Variants in ZNF217 observed in about 807,000 individuals in gnomAD.
The protein encoded by ZNF217 is zinc finger protein 217.
Under a neutral mutation model 73.3 loss-of-function variants are expected in ZNF217, and 12 were observed. The observed-to-expected ratio is 0.16, with a 90% CI of 0.10 to 0.27. The LOEUF is 0.27. ZNF217 is among the 10% of genes least tolerant of loss of function. The pLI is 1.00. For missense variants in ZNF217, 1,195 were observed against 1,327.8 expected (o/e 0.90, Z 1.55); for synonymous variants, 588 against 516.4 (o/e 1.14, Z -1.88).
chr20:53,576,693 C>T lies in ZNF217; in HGVS notation c.2071G>A (p.Val691Met), dbSNP rs751882949. Reference sequence around the variant, plus strand: ...GCCGGGCAATTGTGAAGAGCCCCCACGGATAAATTTAAAGGTTTTTCGTGA... The same window carrying T: ...GCCGGGCAATTGTGAAGAGCCCCCATGGATAAATTTAAAGGTTTTTCGTGA... Reference protein sequence around the residue: ...DCHEKPLNLSVGALHNCPAIS... With the variant: ...DCHEKPLNLSMGALHNCPAIS... Residue 691 changes from valine (V) to methionine (M), a missense_variant, in exon 4 of 6, where the codon GTG (valine) becomes ATG (methionine). Coordinates refer to ENST00000371471, the MANE Select transcript of ZNF217 (RefSeq NM_006526.3). 35 of 1,614,060 alleles carry T rather than the reference C, an allele frequency of 2.2e-5. No homozygotes were observed. Among genetic ancestry groups the T allele is most frequent in the African/African-American group, 2.7e-5 (2 of 74,920 alleles).
intron 1 of ZNF217, among the ~76,000 whole-genome samples, chr20:53,590,377 C>T (rs1438057773): frequency 6.6e-6 from 1 of 152,164 alleles, no homozygotes. Context: ...CTATAACATA[C>T]AGGCCATATG....
intron 1 of ZNF217, among the ~76,000 whole-genome samples, chr20:53,590,595 T>C (rs1600730885): frequency 6.6e-6 from 1 of 152,238 alleles, no homozygotes; most frequent in African/African-American, 2.4e-5. Context: ...TTGTGACAAC[T>C]GTGAGAAAAG....
intron 1 of ZNF217, among the ~76,000 whole-genome samples, chr20:53,593,353 G>GC (rs1988950135): frequency 6.6e-6 from 1 of 151,886 alleles, no homozygotes; most frequent in South Asian, 2.1e-4. Context: ...TTCCCCCTCC[G>GC]CCCGCGCCCC....
At chr20:53,577,434 C>T (rs1405985019) in intron 3 of ZNF217, among the ~76,000 whole-genome samples, 154 bp from the exon 4 acceptor site, 1 of 152,198 alleles carries the variant, frequency 6.6e-6, no homozygotes, top group Non-Finnish European at 1.5e-5. Flanking sequence ...ATCATCCTTA[C>T]TGTAATGAAT....
chr20:53,582,073 C>A lies in ZNF217; in HGVS notation c.754G>T (p.Asp252Tyr). ...GACGGCATTCCTCCTTGTGGAGAGTCTGTCTGCGCGCTGCTGGTACCGAAA... is the reference window on the plus strand; with the variant it reads ...GACGGCATTCCTCCTTGTGGAGAGTATGTCTGCGCGCTGCTGGTACCGAAA... ...TAFGTSSAQT[D>Y]SPQGGMPSSR... The change falls in exon 2 of 6, where the codon GAC (aspartate) becomes TAC (tyrosine). Residue 252 changes from aspartate to tyrosine, a missense_variant. Coordinates refer to ENST00000371471, the MANE Select transcript of ZNF217 (RefSeq NM_006526.3). The surrounding 1 kb of genome is among the most constrained non-coding windows in gnomAD (Gnocchi z 4.8). 1 of 1,614,238 alleles carries A rather than the reference C, an allele frequency of 6.2e-7. No individual in the cohort carries two copies. The highest frequency in any genetic ancestry group is 8.5e-7 in the Non-Finnish European group (1 of 1,180,044).
chr20:53,578,398 A>G lies in ZNF217; in HGVS notation c.1419T>C (p.Cys473=), dbSNP rs1257727433. Residue 473 remains cysteine (C), a synonymous_variant, in exon 3 of 6, where the codon TGT becomes TGC. Transcript: ENST00000371471. ...KIKHLTSSRE[C]SYCGKFFRSN... is the part of the protein sequence containing the mutation. ...AACGGAAAAACTTTCCACAATAACT[A>G]CACTCTCTTGAAGATGTAAGATGTT... The G allele has an allele frequency of 1.9e-6, 3 of 1,597,826 alleles. No homozygotes were observed. The highest frequency in any genetic ancestry group is 1.8e-5 in the Admixed American group (1 of 56,188).
At position 53,576,829 on chromosome 20, in the gene ZNF217, C is replaced by T. The variant is rs3748503; in HGVS notation, c.1935G>A (p.Ala645=). 33,869 of 1,614,118 alleles carry T rather than the reference C, an allele frequency of 0.021. 1,435 individuals are homozygous for T. Among genetic ancestry groups the T allele is most frequent in the East Asian group, 0.16 (7,024 of 44,872 alleles). ...QANNLICRTK[A]DVTPPPDGST... ...TGCCATCCGGAGGAGGAGTAACATC[C>T]GCCTTGGTTCTACAGATGAGGTTAT... Residue 645 remains alanine, a synonymous_variant, in exon 4 of 6, where the codon GCG becomes GCA. Transcript: ENST00000371471.
intron 1 of ZNF217, among the ~76,000 whole-genome samples, chr20:53,585,793 G>A (rs1444603760): frequency 6.6e-6 from 1 of 152,120 alleles, no homozygotes; most frequent in South Asian, 2.1e-4. Flanking sequence ...GCCTGGGAGG[G>A]TGAACAGCCT....
At position 53,576,008 on chromosome 20, in the gene ZNF217, C is replaced by T. The variant is rs1416707526; in HGVS notation, c.2756G>A (p.Arg919Lys). 1 of 1,614,098 alleles carries T rather than the reference C, an allele frequency of 6.2e-7. No homozygotes were observed. The highest frequency in any genetic ancestry group is 2.2e-5 in the East Asian group (1 of 44,898). Residue 919 changes from arginine (R) to lysine (K), a missense_variant, in exon 4 of 6, where the codon AGA (arginine) becomes AAA (lysine). Arg to Lys is a conservative substitution (Grantham distance 26, BLOSUM62 2). Around this residue, in one of 9 missense-constraint regions of ZNF217, gnomAD observed 649 missense variants for 642.8 expected, o/e 1.01. Transcript: ENST00000371471. Reference sequence around the variant, plus strand: ...AAGGGCAACCACGCTGGACTTCAGTCTTTTTGGAAGGGGCTCACCAAATTC... The same window carrying T: ...AAGGGCAACCACGCTGGACTTCAGTTTTTTTGGAAGGGGCTCACCAAATTC... ...AAEFGEPLPK[R>K]LKSSVVALDV...
Position 53,569,186 on chromosome 20 carries a change from G to A in ZNF217, c.*102C>T. On this transcript the variant is annotated 3_prime_UTR_variant, in exon 6 of 6. Coordinates refer to ENST00000371471, the MANE Select transcript of ZNF217 (RefSeq NM_006526.3). ...TACAGTACAATCACAGCTTATTTCA[G>A]TAGCTTTCACCATTCGCTTCTCAAA... 1 of 1,347,566 alleles carries A rather than the reference G, an allele frequency of 7.4e-7. No homozygotes were observed. The highest frequency in any genetic ancestry group is 9.9e-7 in the Non-Finnish European group (1 of 1,011,978). 83.5% of individuals were successfully genotyped at this position (1,347,566 alleles called of 1,614,324 possible). A position where few individuals can be genotyped will look rare whatever the true frequency, so the allele number is the denominator to read the frequency against.
Position 53,581,336 on chromosome 20 carries a change from C to G in ZNF217, c.1366+125G>C. On this transcript the variant is annotated intron_variant, in intron 2 of 5. Transcript: ENST00000371471. The surrounding 1 kb of genome is among the most constrained non-coding windows in gnomAD (Gnocchi z 4.9). ...AGAGTGATACCAAAAAGAGCCTGGA[C>G]TTGACTCTGGCTCTCCAAACCCCAT... 7.3e-7 allele frequency: 1 copy of G among 1,361,480 alleles called. No individual in the cohort carries two copies. The highest frequency in any genetic ancestry group is 9.8e-7 in the Non-Finnish European group (1 of 1,015,728). 84.3% of individuals were successfully genotyped at this position (1,361,480 alleles called of 1,614,324 possible).
At chr20:53,589,082 C>T (rs920516383) in intron 1 of ZNF217, among the ~76,000 whole-genome samples, 5 of 152,202 alleles carry the variant, frequency 3.3e-5, no homozygotes, top group Admixed American at 6.5e-5. Flanking sequence ...TTCCAGTCCA[C>T]TTAACTACAT....
intron 4 of ZNF217, 175 bp downstream of exon 4, chr20:53,575,552 C>G: frequency 1.7e-6 from 1 of 596,816 alleles, no homozygotes; most frequent in Non-Finnish European, 2.9e-6. Context: ...TTAAGTAAGC[C>G]TTGGAGGACC....
rs929918143 is a variant in ZNF217, at chr20:53,578,365, A to G, written c.1452T>C (p.Tyr484=). The change falls in exon 3 of 6, where the codon TAT becomes TAC. Residue 484 remains tyrosine, a synonymous_variant. Coordinates refer to ENST00000371471, the MANE Select transcript of ZNF217 (RefSeq NM_006526.3). ...SYCGKFFRSN[Y]YLNIHLRTHT... is the part of the protein sequence containing the mutation. ...GCGTTCTGAGATGAATATTGAGGTAATAATTTGAACGGAAAAACTTTCCAC... is the reference window on the plus strand; with the variant it reads ...GCGTTCTGAGATGAATATTGAGGTAGTAATTTGAACGGAAAAACTTTCCAC... 6.3e-7 allele frequency: 1 copy of G among 1,598,214 alleles called. No homozygotes were observed.
intron 4 of ZNF217, chr20:53,574,633 A>G (rs1199290815): frequency 6.6e-6 from 1 of 152,092 alleles, no homozygotes; most frequent in South Asian, 2.1e-4. Context: ...TGTCTCTACT[A>G]AAAATACAAG....
At chr20:53,589,937 A>C (rs1357258200) in intron 1 of ZNF217, among the ~76,000 whole-genome samples, 1 of 136,906 alleles carries the variant, frequency 7.3e-6, no homozygotes, top group Non-Finnish European at 1.6e-5. Flanking sequence ...TGTGCGGATC[A>C]AGACCCCCCC....
intron 1 of ZNF217, among the ~76,000 whole-genome samples, chr20:53,587,807 G>C (rs576009147): frequency 2.0e-5 from 3 of 146,820 alleles, no homozygotes; most frequent in Admixed American, 2.0e-4. Flanking sequence ...TTTACGCACA[G>C]TATTTTTTCT....
intron 4 of ZNF217, chr20:53,575,225 T>C (rs1435965111): frequency 2.0e-5 from 3 of 152,404 alleles, no homozygotes; most frequent in Non-Finnish European, 2.9e-5. Context: ...AGTGCATCTG[T>C]AGTCTAAGAT....
chr20:53,591,268 A>T (rs1284629512), intron 1 of ZNF217, among the ~76,000 whole-genome samples: 4 of 152,252 alleles, frequency 2.6e-5, no homozygotes, highest in Non-Finnish European at 1.5e-5. Flanking sequence ...AAGTGTTGTG[A>T]AGACAAAAGG....
Sources: allele counts gnomAD v4.1 joint callset (sites outside exome capture counted in the v4.1 genomes callset), GRCh38; gene constraint gnomAD v4.1.1; regional missense constraint gnomAD v4.1.1; non-coding constraint Gnocchi (gnomAD v3.1); transcripts MANE v1.5; gene names NCBI Gene and HGNC (gene_info 2026-07-23, HGNC 2026-07-21).